Variants in ELFN1 observed in about 807,000 individuals in gnomAD.
ELFN1 encodes the protein protein ELFN1.
In ELFN1, 6 loss-of-function variants were observed where a neutral mutation model predicts 7.6. That is an observed-to-expected ratio of 0.79 (90% CI 0.43 to 1.56). ELFN1 has a LOEUF of 1.56. Among genes scored for constraint, ELFN1 ranks in the 40% most tolerant of loss-of-function variants. ELFN1 has a pLI of 0.01. For synonymous variants in ELFN1, 657 were observed against 588.1 expected (o/e 1.12, Z -1.70); for missense variants, 1,169 against 1,232.2 (o/e 0.95, Z 0.77).
In ELFN1 at chr7:1,705,517, G is replaced by T. The variant is rs376715360; in HGVS notation, c.-455-3574G>T. On this transcript the variant is annotated intron_variant, in intron 2 of 3. Transcript: ENST00000424383. This position sits in a 1 kb window ranked among gnomAD's most constrained non-coding sequence, Gnocchi z 4.3. Reference sequence around the variant, plus strand: ...GGCAGCCGCCACTGCCTGCCCGAGGGCACTGCTGGGCCCCCCTTCCGACGG... The same window carrying T: ...GGCAGCCGCCACTGCCTGCCCGAGGTCACTGCTGGGCCCCCCTTCCGACGG... Among the ~76,000 whole-genome samples, 715 of 152,320 alleles carry T rather than the reference G, an allele frequency of 4.7e-3. 6 individuals carry two copies. Among genetic ancestry groups the T allele is most frequent in the Middle Eastern group, 0.014 (4 of 294 alleles).
intron 3 of ELFN1, among the ~76,000 whole-genome samples, chr7:1,738,246 G>A (rs1371746015): frequency 6.6e-6 from 1 of 152,206 alleles, no homozygotes; most frequent in African/African-American, 2.4e-5. Context: ...GCACGTGGAG[G>A]CCTCTCTCCA....
At chr7:1,699,631 A>C (rs753820823) in intron 2 of ELFN1, among the ~76,000 whole-genome samples, 1 of 151,940 alleles carries the variant, frequency 6.6e-6, no homozygotes, top group Non-Finnish European at 1.5e-5. Flanking sequence ...ACAAAGCAAG[A>C]CTCCATCATA....
Position 1,745,590 on chromosome 7 carries a change from A to T in ELFN1, c.994A>T (p.Thr332Ser). ...KQLTQNSATI[T>S]VQLPSPFHRM... is the part of the protein sequence containing the mutation. ...GCTCACTCAGAACTCGGCCACCATC[A>T]CCGTCCAGCTGCCCAGCCCGTTCCA... Residue 332 changes from threonine to serine, a missense_variant, in exon 4 of 4, where the codon ACC becomes TCC. Thr to Ser is a moderately conservative substitution (Grantham distance 58). Coordinates refer to ENST00000424383, the MANE Select transcript of ELFN1 (RefSeq NM_001128636.4). 6.4e-7 allele frequency: 1 copy of T among 1,550,744 alleles called. No individual in the cohort carries two copies. Among genetic ancestry groups the T allele is most frequent in the South Asian group, 1.2e-5 (1 of 84,050 alleles).
At chr7:1,671,058 C>T (rs1778756234) in intron 1 of ELFN1, among the ~76,000 whole-genome samples, 1 of 152,170 alleles carries the variant, frequency 6.6e-6, no homozygotes, top group Non-Finnish European at 1.5e-5. Context: ...AGCCTCCGTG[C>T]CCCAACCTGC....
intron 3 of ELFN1, among the ~76,000 whole-genome samples, chr7:1,724,894 GCAT>G (rs1175133827): frequency 4.6e-5 from 7 of 152,082 alleles, no homozygotes; most frequent in African/African-American, 1.2e-4. Context: ...ACTTCTGAGG[GCAT>G]CATCATCTTC....
chr7:1,731,865 G>T (rs1780332009), intron 3 of ELFN1, among the ~76,000 whole-genome samples: 2 of 152,218 alleles, frequency 1.3e-5, no homozygotes, highest in African/African-American at 4.8e-5. Flanking sequence ...GGCCAGGCTG[G>T]TCTGGAACTC....
Position 1,685,446 on chromosome 7 carries a change from T to C in ELFN1, c.-548-2612T>C, listed in dbSNP as rs974503793. 2.0e-5 allele frequency among the ~76,000 whole-genome samples: 3 copies of C among 152,190 alleles called. No homozygotes were observed. The East Asian group carries it at 5.8e-4, about 29-fold the overall frequency. ...CTCTTGAGACTCCCATCACCACATA[T>C]GCTAGTGCACTTGATGTCTCATGTA... On this transcript the variant is annotated intron_variant, in intron 1 of 3. Transcript: ENST00000424383.
At chr7:1,727,179 T>G (rs1489721264) in intron 3 of ELFN1, among the ~76,000 whole-genome samples, 2 of 152,102 alleles carry the variant, frequency 1.3e-5, no homozygotes, top group Admixed American at 1.3e-4. Context: ...TGAATGATTG[T>G]GAGAATGAAG....
At chr7:1,679,162 T>A (rs1348810863) in intron 1 of ELFN1, among the ~76,000 whole-genome samples, 1 of 149,474 alleles carries the variant, frequency 6.7e-6, no homozygotes, top group Non-Finnish European at 1.5e-5. Flanking sequence ...CACACACGCG[T>A]GCACACACGT....
At chr7:1,738,732 G>A (rs956491581) in intron 3 of ELFN1, 2 of 152,090 alleles carry the variant, frequency 1.3e-5, no homozygotes, top group African/African-American at 2.4e-5. Flanking sequence ...AGCGTGGCCC[G>A]AGTCTGTCCA....
At position 1,747,164 on chromosome 7, in the gene ELFN1, G is replaced by A. The variant is rs926291905; in HGVS notation, c.*81G>A. ...AGACTCAGCACCAAACCCAACACAC[G>A]CACGCCACCACAGCAACTGTGACAG... On this transcript the variant is annotated 3_prime_UTR_variant, in exon 4 of 4. Coordinates refer to ENST00000424383, the MANE Select transcript of ELFN1 (RefSeq NM_001128636.4). 2.0e-5 allele frequency: 27 copies of A among 1,357,856 alleles called. No homozygotes were observed. Among genetic ancestry groups the A allele is most frequent in the African/African-American group, 1.7e-4 (11 of 66,386 alleles). 84.1% of individuals were successfully genotyped at this position (1,357,856 alleles called of 1,614,324 possible). A position where few individuals can be genotyped will look rare whatever the true frequency, so the allele number is the denominator to read the frequency against.
chr7:1,703,329 C>G (rs1380017130), intron 2 of ELFN1, among the ~76,000 whole-genome samples: 2 of 152,194 alleles, frequency 1.3e-5, no homozygotes, highest in African/African-American at 2.4e-5. Context: ...TCCCTCTCTG[C>G]TATACAGCTT....
intron 3 of ELFN1, among the ~76,000 whole-genome samples, chr7:1,726,488 C>T (rs1429651538): frequency 6.6e-6 from 1 of 152,238 alleles, no homozygotes; most frequent in African/African-American, 2.4e-5. Context: ...CCAAGCTGGC[C>T]CAGCTCCCCC....
At chr7:1,693,240 G>A (rs527733452) in intron 2 of ELFN1, 2 of 422,404 alleles carry the variant, frequency 4.7e-6, no homozygotes, top group Non-Finnish European at 1.0e-5. Context: ...GACACCTTAA[G>A]AGTCCAGCAG....
At chr7:1,707,226 G>A (rs929279821) in intron 2 of ELFN1, among the ~76,000 whole-genome samples, 3 of 152,238 alleles carry the variant, frequency 2.0e-5, no homozygotes, top group African/African-American at 4.8e-5. Flanking sequence ...TGGCTGTTCC[G>A]CTTTTGGATG....
At chr7:1,729,435 C>T (rs1780278287) in intron 3 of ELFN1, among the ~76,000 whole-genome samples, 1 of 152,202 alleles carries the variant, frequency 6.6e-6, no homozygotes, top group Admixed American at 6.5e-5. Context: ...TGCCATGGCC[C>T]TAGCCTCTCA....
intron 3 of ELFN1, among the ~76,000 whole-genome samples, chr7:1,725,719 G>A (rs1003164401): frequency 1.7e-4 from 26 of 152,302 alleles, no homozygotes; most frequent in African/African-American, 6.0e-4. Context: ...GTGTGTGCAC[G>A]TCGGGAAAGG....
intron 3 of ELFN1, among the ~76,000 whole-genome samples, chr7:1,721,982 T>C (rs964858116): frequency 1.7e-4 from 26 of 152,142 alleles, no homozygotes; most frequent in Non-Finnish European, 1.0e-4. Flanking sequence ...GGTGTGTACA[T>C]CCCATCCTTT....
intron 1 of ELFN1, among the ~76,000 whole-genome samples, chr7:1,672,230 GACC>G (rs1778781582): frequency 6.6e-6 from 1 of 152,164 alleles, no homozygotes; most frequent in Non-Finnish European, 1.5e-5. Context: ...CTGCACCCAG[GACC>G]AGAGGAGGGG....
Sources: gnomAD v4.1 joint callset for allele counts (sites outside exome capture counted in the v4.1 genomes callset) on GRCh38, gnomAD v4.1.1 for gene constraint, Gnocchi (gnomAD v3.1) non-coding constraint, MANE v1.5 for transcripts, NCBI Gene and HGNC (gene_info 2026-07-23, HGNC 2026-07-21) for gene names.